SBF2: variants seen among roughly 807,000 people sequenced by gnomAD.
The protein encoded by SBF2 is SET binding factor 2.
In SBF2, 112 loss-of-function variants were observed where a neutral mutation model predicts 225.2. The ratio of observed to expected loss-of-function variants is 0.50; its 90% CI spans 0.43 to 0.58. SBF2 has a LOEUF of 0.58. SBF2 is among the 20% of genes least tolerant of loss of function. SBF2 has a pLI of 0.00. For missense variants in SBF2, 1,996 were observed against 2,206.2 expected (o/e 0.90, Z 1.91); for synonymous variants, 763 against 773.3 (o/e 0.99, Z 0.22).
chr11:9,890,774 C>G (rs1249864957), intron 17 of SBF2, among the ~76,000 whole-genome samples: 1 of 152,104 alleles, frequency 6.6e-6, no homozygotes, highest in Non-Finnish European at 1.5e-5. Context: ...TTTGGAATAC[C>G]CTGGTTATTA....
At chr11:9,860,586 C>T (rs1274825974) in intron 17 of SBF2, among the ~76,000 whole-genome samples, 3 of 152,082 alleles carry the variant, frequency 2.0e-5, no homozygotes, top group Non-Finnish European at 4.4e-5. Context: ...CTGCCTTGGC[C>T]TCCCAAAGTG....
chr11:9,851,985 C>T (rs1011463547), intron 21 of SBF2, among the ~76,000 whole-genome samples: 4 of 152,092 alleles, frequency 2.6e-5, no homozygotes, highest in East Asian at 1.9e-4. Flanking sequence ...GTTGCCCAGG[C>T]GCTGGTCTCA....
intron 17 of SBF2, among the ~76,000 whole-genome samples, chr11:9,893,239 G>C (rs1860982983): frequency 1.3e-5 from 2 of 152,172 alleles, no homozygotes; most frequent in South Asian, 4.1e-4. Flanking sequence ...TCTACTTCCT[G>C]AATTAACAAA....
chr11:10,270,137 T>C (rs1962348185), intron 1 of SBF2, among the ~76,000 whole-genome samples: 1 of 152,030 alleles, frequency 6.6e-6, no homozygotes, highest in Non-Finnish European at 1.5e-5. Context: ...GATAAAAACA[T>C]TTTGTAGTTA....
At chr11:10,194,069 T>C (rs1052762548) in intron 1 of SBF2, 82 bp from the exon 2 acceptor site, 128 of 942,184 alleles carry the variant, frequency 1.4e-4, no homozygotes, top group Non-Finnish European at 1.8e-4. Context: ...TATTTCTAAA[T>C]GAATATTTGG....
chr11:9,819,444 A>G (rs1217880931), intron 28 of SBF2: 2 of 152,232 alleles, frequency 1.3e-5, no homozygotes, highest in African/African-American at 4.8e-5. Flanking sequence ...AAAGTAGAAG[A>G]TTTAATTAAC....
chr11:9,829,553 T>C (rs1159271123), intron 27 of SBF2, 57 bp from the exon 28 acceptor site: 6 of 1,201,794 alleles, frequency 5.0e-6, no homozygotes, highest in South Asian at 2.5e-5. Flanking sequence ...ACAAAACAAG[T>C]ATCTATCTAT....
At chr11:10,172,085 A>G (rs926431274) in intron 2 of SBF2, among the ~76,000 whole-genome samples, 1 of 152,074 alleles carries the variant, frequency 6.6e-6, no homozygotes, top group Admixed American at 6.5e-5. Flanking sequence ...AAAAAAACCA[A>G]CTTTTTGTTT....
At chr11:10,204,544 C>T (rs2135364167) in intron 1 of SBF2, among the ~76,000 whole-genome samples, 1 of 81,164 alleles carries the variant, frequency 1.2e-5, no homozygotes, top group East Asian at 4.1e-4. Context: ...GAGGCTGAGG[C>T]AGGAGAATGG....
intron 16 of SBF2, among the ~76,000 whole-genome samples, chr11:9,902,680 G>A (rs1035595628): frequency 2.0e-5 from 3 of 152,026 alleles, no homozygotes; most frequent in Admixed American, 6.6e-5. Flanking sequence ...AGATAACTGA[G>A]CCAAAAAAGA....
intron 13 of SBF2, among the ~76,000 whole-genome samples, chr11:9,971,105 G>A (rs1049622142): frequency 6.6e-6 from 1 of 151,564 alleles, no homozygotes; most frequent in Non-Finnish European, 1.5e-5. Context: ...TTTCAGGCTG[G>A]CCAGGTAATT....
intron 2 of SBF2, among the ~76,000 whole-genome samples, chr11:10,172,414 G>A (rs537841843): frequency 2.1e-4 from 32 of 151,888 alleles, no homozygotes; most frequent in Admixed American, 7.2e-4. Flanking sequence ...GCACAATGGC[G>A]CATCTCAGCT....
intron 1 of SBF2, among the ~76,000 whole-genome samples, chr11:10,223,777 T>C (rs4519084): frequency 0.21 from 32,207 of 151,860 alleles, 4,131 homozygotes; most frequent in Non-Finnish European, 0.3. Flanking sequence ...TTTTTAACTA[T>C]CGTATCCAAC....
intron 16 of SBF2, among the ~76,000 whole-genome samples, chr11:9,934,853 T>G (rs569571337): frequency 6.6e-6 from 1 of 152,192 alleles, no homozygotes; most frequent in African/African-American, 2.4e-5. Context: ...AATATCATAC[T>G]GAATGGGCAA....
chr11:9,845,481 TACACCTGG>T, intron 24 of SBF2, 76 bp downstream of exon 24: 2 of 1,267,912 alleles, frequency 1.6e-6, no homozygotes, highest in Non-Finnish European at 2.3e-6. Context: ...AGCAATCGCT[TACACCTGG>T]ACACAAAGGA....
chr11:9,877,983 C>G (rs1378120379), intron 17 of SBF2, among the ~76,000 whole-genome samples: 1 of 152,210 alleles, frequency 6.6e-6, no homozygotes, highest in African/African-American at 2.4e-5. Context: ...CTGTCTTCCA[C>G]AATGGTTGAA....
chr11:9,905,654 G>C (rs1313658525), intron 16 of SBF2, among the ~76,000 whole-genome samples: 1 of 152,094 alleles, frequency 6.6e-6, no homozygotes, highest in African/African-American at 2.4e-5. Flanking sequence ...TGTCTCTGTG[G>C]GGACCTTTGT....
At chr11:9,800,783 A>G (rs1414232656) in intron 32 of SBF2, among the ~76,000 whole-genome samples, 1 of 152,130 alleles carries the variant, frequency 6.6e-6, no homozygotes, top group East Asian at 1.9e-4. Flanking sequence ...TCCTGGGCTC[A>G]AGTGAACCCA....
At chr11:10,064,849 C>T (rs945560176) in intron 2 of SBF2, among the ~76,000 whole-genome samples, 2 of 152,136 alleles carry the variant, frequency 1.3e-5, no homozygotes, top group Non-Finnish European at 2.9e-5. Context: ...TCAAAACCCC[C>T]TCTCAATAAC....
Sources: allele counts gnomAD v4.1 joint callset (sites outside exome capture counted in the v4.1 genomes callset), GRCh38; gene constraint gnomAD v4.1.1; transcripts MANE v1.5; gene names NCBI Gene and HGNC (gene_info 2026-07-23, HGNC 2026-07-21).